DIABLO: variants seen among roughly 807,000 people sequenced by gnomAD.
DIABLO encodes the protein diablo IAP-binding mitochondrial protein.
DIABLO carries 32 observed loss-of-function variants against 31.7 expected under a neutral mutation model. That is an observed-to-expected ratio of 1.01 (90% confidence interval 0.76 to 1.35). DIABLO has a LOEUF of 1.35. Ranked by LOEUF, DIABLO falls within the 40% of genes most tolerant of loss-of-function variation. The pLI is 0.00. For missense variants in DIABLO, 316 were observed against 286.4 expected (o/e 1.10, Z -0.75); for synonymous variants, 132 against 103.2 (o/e 1.28, Z -1.69).
At chr12:122,210,595 G>A (rs1184822096) in intron 5 of DIABLO, among the ~76,000 whole-genome samples, 1 of 151,766 alleles carries the variant, frequency 6.6e-6, no homozygotes, top group Non-Finnish European at 1.5e-5. Context: ...TAGCCAGGAT[G>A]GTCTTGATCT....
chr12:122,208,289 G>C lies in DIABLO; in HGVS notation c.*92C>G, dbSNP rs764393514. The C allele has an allele frequency of 3.4e-6, 5 of 1,474,354 alleles. No homozygotes were observed. Among genetic ancestry groups the C allele is most frequent in the Non-Finnish European group, 4.7e-6 (5 of 1,066,984 alleles). 91.3% of individuals were successfully genotyped at this position (1,474,354 alleles called of 1,614,324 possible). A position where few individuals can be genotyped will look rare whatever the true frequency, so the allele number is the denominator to read the frequency against. On this transcript the variant is annotated 3_prime_UTR_variant, in exon 6 of 6. Transcript: ENST00000464942. ...AGGGCAGGATCTGCCGCCTCTTCTC[G>C]GTGCACAGACAGTCATGCCAACCCT... is the stretch of plus-strand genomic sequence containing the variant.
chr12:122,226,379 G>C, upstream of DIABLO: 1 of 587,826 alleles, frequency 1.7e-6, no homozygotes, highest in Non-Finnish European at 3.0e-6. Flanking sequence ...GCGGGGCCGG[G>C]CGGGAGGCGG....
chr12:122,224,671 G>C (rs1954409874), intron 1 of DIABLO, 27 bp from the exon 2 acceptor site: 1 of 1,614,116 alleles, frequency 6.2e-7, no homozygotes, highest in Non-Finnish European at 8.5e-7. Flanking sequence ...GATTTCATAA[G>C]GCACGACCGC....
intron 1 of DIABLO, 28 bp from the exon 2 acceptor site, chr12:122,224,672 G>C: frequency 6.2e-7 from 1 of 1,614,102 alleles, no homozygotes; most frequent in Non-Finnish European, 8.5e-7. Context: ...ATTTCATAAG[G>C]CACGACCGCC....
At chr12:122,226,155 AGG>A, upstream of DIABLO, 1 of 1,249,738 alleles carries the variant, frequency 8.0e-7, no homozygotes, top group South Asian at 1.3e-5. Context: ...TTGGGCAGGC[AGG>A]GGGAAAGGGG....
At chr12:122,210,912 C>T (rs1430662331) in intron 5 of DIABLO, among the ~76,000 whole-genome samples, 3 of 150,528 alleles carry the variant, frequency 2.0e-5, no homozygotes, top group Admixed American at 1.3e-4. Flanking sequence ...TGGTGGTGTG[C>T]ACCTGTAATC....
At chr12:122,218,061 G>A (rs1269764075) in intron 3 of DIABLO, among the ~76,000 whole-genome samples, 1 of 151,888 alleles carries the variant, frequency 6.6e-6, no homozygotes, top group East Asian at 1.9e-4. Context: ...TGAAGGGCCT[G>A]ACAGTAAATA....
At chr12:122,220,921 AATGTGC>A (rs1954321902) in intron 2 of DIABLO, 1 of 152,244 alleles carries the variant, frequency 6.6e-6, no homozygotes, top group Admixed American at 6.5e-5. Flanking sequence ...AAGTCTTCAT[AATGTGC>A]TACATTTTAT....
At position 122,208,542 on chromosome 12, in the gene DIABLO, T is replaced by C. The variant is rs1432587092; in HGVS notation, c.559A>G (p.Ile187Val). The C allele has an allele frequency of 1.1e-5, 18 of 1,613,894 alleles. No homozygotes were observed. The highest frequency in any genetic ancestry group is 2.2e-5 in the East Asian group (1 of 44,888). The part of the protein sequence containing the change: ...DQASITARNH[I>V]QLVKLQVEEV... ...TCCACCTGCAGTTTCACCAGCTGAA[T>C]GTGATTCCTGGCGGTTATAGAGGCC... Residue 187 changes from isoleucine to valine, a missense_variant, in exon 6 of 6, where the codon ATT (isoleucine) becomes GTT (valine). Coordinates refer to ENST00000464942, the MANE Select transcript of DIABLO (RefSeq NM_001371333.1).
Position 122,211,077 on chromosome 12 carries a change from T to TAAAAAAA in DIABLO, c.524-2507_524-2501dup, listed in dbSNP as rs1156571584. On this transcript the variant is annotated intron_variant, in intron 5 of 5. Transcript: ENST00000464942. ...TGATTTTCCTTTGTTTAGTTAAAAG[T>TAAAAAAA]AAAAAAAAAAAAAAAAAAAAAAAAA... is the stretch of plus-strand genomic sequence containing the variant. 2.3e-3 allele frequency among the ~76,000 whole-genome samples: 33 copies of TAAAAAAA among 14,344 alleles called. 7 individuals are homozygous for TAAAAAAA. The highest frequency in any genetic ancestry group is 3.6e-3 in the African/African-American group (15 of 4,172). 9.4% of individuals were successfully genotyped at this position (14,344 alleles called of 152,430 possible).
At chr12:122,217,888 T>A (rs1954250220) in intron 3 of DIABLO, 1 of 252,890 alleles carries the variant, frequency 4.0e-6, no homozygotes, top group African/African-American at 2.3e-5. Flanking sequence ...CAACCTCTGT[T>A]GATGGACCAC....
chr12:122,217,147 G>A, intron 3 of DIABLO: 1 of 396,682 alleles, frequency 2.5e-6, no homozygotes, highest in South Asian at 2.3e-5. Flanking sequence ...GGGGAAAAAA[G>A]CTGCTGGAAA....
At chr12:122,215,831 T>G (rs1001587843) in intron 5 of DIABLO, among the ~76,000 whole-genome samples, 16 of 147,086 alleles carry the variant, frequency 1.1e-4, no homozygotes, top group Admixed American at 5.6e-4. Flanking sequence ...GAGCCTAGGA[T>G]TTCGAGATTA....
At chr12:122,217,812 C>T (rs79328030) in intron 3 of DIABLO, 5 of 171,230 alleles carry the variant, frequency 2.9e-5, no homozygotes, top group Middle Eastern at 3.0e-3. Context: ...TGAGCCACCA[C>T]GCCTGGCCCA....
At chr12:122,226,092 C>T (rs746041804), upstream of DIABLO, 11 of 1,541,696 alleles carry the variant, frequency 7.1e-6, no homozygotes, top group Non-Finnish European at 9.6e-6. Context: ...ACGGCCTCCA[C>T]CTGAGAGCGC....
At chr12:122,216,167 T>A (rs372143319) in intron 5 of DIABLO, among the ~76,000 whole-genome samples, 33 of 152,304 alleles carry the variant, frequency 2.2e-4, no homozygotes, top group African/African-American at 7.9e-4. Flanking sequence ...AATTCTATGA[T>A]TGTTAATAAA....
chr12:122,218,175 A>G, intron 3 of DIABLO, 91 bp downstream of exon 3: 1 of 1,473,258 alleles, frequency 6.8e-7, no homozygotes, highest in Non-Finnish European at 9.5e-7. Context: ...GTTTCAATCA[A>G]ATACCAACAT....
rs1470436827 is a variant in DIABLO at position 122,216,772 on chromosome 12, C to T, written c.413G>A (p.Gly138Glu). ...CTTTCTGCTTACCTCAGCTCTGGCT[C>T]CTATGATCACCTGCCACACTTCATC... ...EEDEVWQVII[G>E]ARAEMTSKHQ... The change falls in exon 4 of 6, where the codon GGA becomes GAA. Residue 138 changes from glycine (G) to glutamate (E), a missense_variant. Transcript: ENST00000464942. The T allele has an allele frequency of 1.2e-6, 2 of 1,613,736 alleles. No individual in the cohort carries two copies. The highest frequency in any genetic ancestry group is 3.3e-5 in the Admixed American group (2 of 60,000).
Position 122,218,366 on chromosome 12 carries a change from G to A in DIABLO, c.215C>T (p.Ala72Val). 6.2e-7 allele frequency: 1 copy of A among 1,614,148 alleles called. No individual in the cohort carries two copies. The highest frequency in any genetic ancestry group is 1.7e-5 in the Admixed American group (1 of 60,022). The change falls in exon 3 of 6, where the codon GCA (alanine) becomes GTA (valine). Residue 72 changes from alanine to valine, a missense_variant. Coordinates refer to ENST00000464942, the MANE Select transcript of DIABLO (RefSeq NM_001371333.1). ...CAAAGACACTGCTCTCCTCATCAAT[G>A]CTTCACTACTAAGGGAATGAGGCTC... Reference protein sequence around the residue: ...KSEPHSLSSEALMRRAVSLVT... With the variant: ...KSEPHSLSSEVLMRRAVSLVT...
Sources: allele counts gnomAD v4.1 joint callset (sites outside exome capture counted in the v4.1 genomes callset), GRCh38; gene constraint gnomAD v4.1.1; transcripts MANE v1.5; gene names NCBI Gene and HGNC (gene_info 2026-07-23, HGNC 2026-07-21).